The following SYNE1 variants were observed in gnomAD, a reference collection of about 807,000 sequenced individuals.
SYNE1 encodes nesprin-1.
SYNE1 carries 616 observed loss-of-function variants against 1,111.0 expected under a neutral mutation model. The observed-to-expected ratio is 0.55, with a 90% CI of 0.52 to 0.59. The LOEUF is 0.59. Among genes scored for constraint, SYNE1 ranks in the 20% least tolerant of loss-of-function variants. SYNE1 has a pLI of 0.00. For missense variants in SYNE1, 10,006 were observed against 10,417.0 expected, an observed-to-expected ratio of 0.96 and a Z score of 1.72; for synonymous variants, 3,855 against 3,825.8, an observed-to-expected ratio of 1.01 and a Z score of -0.28.
chr6:152,596,987 A>G (rs2099583878), intron 3 of SYNE1, among the ~76,000 whole-genome samples: 1 of 152,172 alleles, frequency 6.6e-6, no homozygotes. Context: ...GTGGGCACTA[A>G]ATTGGTAGAC....
At chr6:152,176,355 A>G in intron 130 of SYNE1, 39 bp downstream of exon 130, 1 of 1,613,146 alleles carries the variant, frequency 6.2e-7, no homozygotes, top group Non-Finnish European at 8.5e-7. Flanking sequence ...GCTTTAAAAT[A>G]CTGCCCACAC....
Position 152,353,884 on chromosome 6 carries a change from G to A in SYNE1, c.10927-140C>T, listed in dbSNP as rs1316516038. 6 of 1,028,640 alleles carry A rather than the reference G, an allele frequency of 5.8e-6. No homozygotes were observed. In the East Asian group the frequency reaches 7.5e-5, roughly 13 times the overall value. 63.7% of individuals were successfully genotyped at this position (1,028,640 alleles called of 1,614,324 possible). A position where few individuals can be genotyped will look rare whatever the true frequency, so the allele number is the denominator to read the frequency against. On this transcript the variant is annotated intron_variant, in intron 67 of 145. Transcript: ENST00000367255. ...AGATTTAATTTTGAAAATGCCATATGTTATCTTCATAAATATTATATTACA... is the reference window on the plus strand; with the variant it reads ...AGATTTAATTTTGAAAATGCCATATATTATCTTCATAAATATTATATTACA...
chr6:152,549,137 A>G (rs1305177629), intron 3 of SYNE1, among the ~76,000 whole-genome samples: 1 of 152,168 alleles, frequency 6.6e-6, no homozygotes, highest in Non-Finnish European at 1.5e-5. Context: ...AGTGAAGTCA[A>G]CAAACTGAGG....
intron 87 of SYNE1, among the ~76,000 whole-genome samples, chr6:152,312,615 A>G (rs2095588761): frequency 6.7e-6 from 1 of 148,302 alleles, no homozygotes; most frequent in Non-Finnish European, 1.5e-5. Context: ...AAGTATATTT[A>G]TTAATAATTT....
intron 25 of SYNE1, 25 bp downstream of exon 25, chr6:152,453,561 G>A: frequency 6.2e-7 from 1 of 1,614,150 alleles, no homozygotes; most frequent in Non-Finnish European, 8.5e-7. Context: ...AGGATGCACG[G>A]TGTCTCCGTC....
Position 152,293,651 on chromosome 6 carries a change from C to T in SYNE1, c.17949G>A (p.Glu5983=). Residue 5983 remains glutamate, a synonymous_variant, in exon 95 of 146, where the codon GAG becomes GAA. Coordinates refer to ENST00000367255, the MANE Select transcript of SYNE1 (RefSeq NM_182961.4). ...GCTCTGGGCTCTCACTGAGTTTCAG[C>T]TCAATGGCCTCCATCTTCGTAGAGA... is the stretch of plus-strand genomic sequence containing the variant. ...QSISTKMEAI[E]LKLSESPEPG... The T allele has an allele frequency of 1.2e-6, 2 of 1,614,126 alleles. No individual in the cohort carries two copies. The highest frequency in any genetic ancestry group is 1.7e-6 in the Non-Finnish European group (2 of 1,180,012).
chr6:152,369,173 C>T (rs1191287078), intron 60 of SYNE1, 46 bp from the exon 61 acceptor site: 4 of 1,603,968 alleles, frequency 2.5e-6, no homozygotes, highest in Admixed American at 1.7e-5. Context: ...GGGAAAAGCA[C>T]ATCGCGGACG....
At chr6:152,482,610 C>A (rs897535533) in intron 14 of SYNE1, among the ~76,000 whole-genome samples, 1 of 151,964 alleles carries the variant, frequency 6.6e-6, no homozygotes, top group Admixed American at 6.6e-5. Context: ...TTTAAAACAT[C>A]CCAAATGACT....
Position 152,364,997 on chromosome 6 carries a change from T to C in SYNE1, c.9995A>G (p.Glu3332Gly). 6.2e-7 allele frequency: 1 copy of C among 1,614,256 alleles called. No individual in the cohort carries two copies. The highest frequency in any genetic ancestry group is 2.2e-5 in the East Asian group (1 of 44,884). ...TATCATTTTCATCTGAATCTCTTTT[T>C]CCTGTTTGACTGATAATAGAGCCTG... ...KLEALLSVKQEKEIQMKMIVT... is the reference protein window; with the variant it reads ...KLEALLSVKQGKEIQMKMIVT... Residue 3332 changes from glutamate to glycine, a missense_variant, in exon 63 of 146, where the codon GAA becomes GGA. Glu to Gly is a moderately conservative substitution (Grantham distance 98). Coordinates refer to ENST00000367255, the MANE Select transcript of SYNE1 (RefSeq NM_182961.4).
chr6:152,321,098 A>T (rs1590006172), intron 84 of SYNE1, 140 bp downstream of exon 84: 2 of 890,550 alleles, frequency 2.2e-6, no homozygotes, highest in Non-Finnish European at 3.4e-6. Flanking sequence ...CTTCTAATTT[A>T]ATATTATTGT....
intron 63 of SYNE1, chr6:152,363,669 T>C (rs1021688185): frequency 1.3e-5 from 6 of 452,854 alleles, no homozygotes; most frequent in Non-Finnish European, 2.2e-5. Context: ...TGCAGCACAG[T>C]CCAGTTGGAC....
In SYNE1 at chr6:152,444,431, G is replaced by T. The variant is rs777455825; in HGVS notation, c.3817C>A (p.Gln1273Lys). ...TTTACCTGGTGATGAAGAAGTAACTGCTGTGCTTCAAACAGATTTTCAGTA... is the reference window on the plus strand; with the variant it reads ...TTTACCTGGTGATGAAGAAGTAACTTCTGTGCTTCAAACAGATTTTCAGTA... Reference protein sequence around the residue: ...LDTENLFEAQQLLLHHQQKTK... With the variant: ...LDTENLFEAQKLLLHHQQKTK... The change falls in exon 30 of 146, where the codon CAG (glutamine) becomes AAG (lysine). Residue 1273 changes from glutamine (Q) to lysine (K), a missense_variant. Physicochemically the swap from Gln to Lys is moderately conservative, Grantham distance 53. This residue lies in a region of SYNE1 where 1,971 missense variants were observed against 2,084.1 expected (regional missense o/e 0.95). Coordinates refer to ENST00000367255, the MANE Select transcript of SYNE1 (RefSeq NM_182961.4). The T allele has an allele frequency of 5.0e-6, 8 of 1,613,848 alleles. No individual in the cohort carries two copies. The highest frequency in any genetic ancestry group is 6.8e-6 in the Non-Finnish European group (8 of 1,179,930).
chr6:152,472,845 T>C (rs1028239461), intron 14 of SYNE1, among the ~76,000 whole-genome samples: 1 of 152,260 alleles, frequency 6.6e-6, no homozygotes, highest in African/African-American at 2.4e-5. Flanking sequence ...TATTTTACTT[T>C]GAATGCATGC....
intron 93 of SYNE1, among the ~76,000 whole-genome samples, chr6:152,299,687 CTT>C (rs368139635): frequency 8.4e-5 from 12 of 143,692 alleles, no homozygotes; most frequent in Admixed American, 7.0e-5. Context: ...CTTGATGTTC[CTT>C]TTTTTTTTTA....
chr6:152,489,760 G>A (rs1290373101), intron 11 of SYNE1, among the ~76,000 whole-genome samples: 5 of 152,166 alleles, frequency 3.3e-5, no homozygotes, highest in African/African-American at 4.8e-5. Context: ...AGAAGTCTGA[G>A]TGAGGGCATC....
intron 35 of SYNE1, 55 bp downstream of exon 35, chr6:152,430,427 C>T (rs1406403784): frequency 8.8e-6 from 13 of 1,469,850 alleles, no homozygotes; most frequent in East Asian, 2.3e-5. Flanking sequence ...ATTGCACTTA[C>T]CCACAAATAC....
intron 6 of SYNE1, among the ~76,000 whole-genome samples, chr6:152,516,993 A>C (rs576578309): frequency 3.9e-5 from 6 of 152,358 alleles, no homozygotes; most frequent in Admixed American, 2.0e-4. Context: ...GAAAGAGATT[A>C]GTGTGATCTG....
intron 51 of SYNE1, among the ~76,000 whole-genome samples, chr6:152,393,707 G>T (rs1347809653): frequency 1.3e-5 from 2 of 152,036 alleles, no homozygotes; most frequent in African/African-American, 4.8e-5. Flanking sequence ...TATCAGCATG[G>T]GTTCTTTTGT....
chr6:152,239,501 C>A (rs766630686), intron 108 of SYNE1, 32 bp downstream of exon 108: 1 of 1,613,746 alleles, frequency 6.2e-7, no homozygotes, highest in East Asian at 2.2e-5. Context: ...AGGAAGTTTG[C>A]AGCACAGAAG....
Sources: gnomAD v4.1 joint callset for allele counts (sites outside exome capture counted in the v4.1 genomes callset) on GRCh38, gnomAD v4.1.1 for gene constraint, gnomAD v4.1.1 regional missense constraint, MANE v1.5 for transcripts, NCBI Gene and HGNC (gene_info 2026-07-23, HGNC 2026-07-21) for gene names.